The following PABPC4L variants were observed in gnomAD, a reference collection of about 807,000 sequenced individuals.
PABPC4L encodes the protein polyadenylate-binding protein 4-like.
For missense variants in PABPC4L, 452 were observed against 451.4 expected (o/e 1.00, Z -0.01); for synonymous variants, 169 against 164.1 (o/e 1.03, Z -0.23).
At chr4:134,053,854 G>A in the PABPC4L span, among the ~76,000 whole-genome samples, 50,288 of 151,666 alleles carry the variant, frequency 0.33, 9,966 homozygotes, top group East Asian at 0.92. Context: ...AAACCATGAC[G>A]AAAAGTAATT....
At chr4:134,000,084 A>C in the PABPC4L span, among the ~76,000 whole-genome samples, 1 of 152,176 alleles carries the variant, frequency 6.6e-6, no homozygotes, top group Non-Finnish European at 1.5e-5. Context: ...ACATGTGTTT[A>C]CATGGAAATA....
the PABPC4L span, among the ~76,000 whole-genome samples, chr4:134,027,765 T>C: frequency 6.6e-6 from 1 of 152,168 alleles, no homozygotes; most frequent in Non-Finnish European, 1.5e-5. Context: ...TTGTACTCCA[T>C]AAGTTTATAC....
At chr4:133,986,268 C>A in the PABPC4L span, among the ~76,000 whole-genome samples, 5 of 151,788 alleles carry the variant, frequency 3.3e-5, no homozygotes, top group African/African-American at 1.2e-4. Flanking sequence ...TATATCTTTC[C>A]TTTCAAAATT....
At chr4:134,189,611 A>G in the PABPC4L span, among the ~76,000 whole-genome samples, 1 of 152,020 alleles carries the variant, frequency 6.6e-6, no homozygotes, top group African/African-American at 2.4e-5. Context: ...TGGTAAAAAG[A>G]ACTGTGGTAC....
chr4:134,046,516 C>T, the PABPC4L span, among the ~76,000 whole-genome samples: 1 of 151,868 alleles, frequency 6.6e-6, no homozygotes, highest in South Asian at 2.1e-4. Flanking sequence ...CTTATCTCAA[C>T]TGCAAAGAGG....
At chr4:134,028,955 T>C in the PABPC4L span, among the ~76,000 whole-genome samples, 1 of 152,188 alleles carries the variant, frequency 6.6e-6, no homozygotes, top group Non-Finnish European at 1.5e-5. Flanking sequence ...AGTGTGTATT[T>C]TGACTTTTAA....
the PABPC4L span, among the ~76,000 whole-genome samples, chr4:134,053,533 A>C: frequency 6.6e-6 from 1 of 152,088 alleles, no homozygotes; most frequent in Admixed American, 6.6e-5. Flanking sequence ...CCTACCACCT[A>C]AATATTTAGG....
the PABPC4L span, among the ~76,000 whole-genome samples, chr4:134,180,594 T>C: frequency 4.6e-5 from 7 of 151,750 alleles, no homozygotes; most frequent in Middle Eastern, 3.4e-3. Context: ...ATCTAGGAGC[T>C]GATTCTTTCA....
chr4:134,095,354 A>G, the PABPC4L span, among the ~76,000 whole-genome samples: 472 of 152,152 alleles, frequency 3.1e-3, 3 homozygotes, highest in African/African-American at 0.011. Context: ...TATATGGAAA[A>G]GAATGTTAAA....
the PABPC4L span, among the ~76,000 whole-genome samples, chr4:133,984,695 G>T: frequency 1.3e-5 from 2 of 151,848 alleles, no homozygotes; most frequent in Non-Finnish European, 3.0e-5. Flanking sequence ...AATAGATCAT[G>T]TAAATGACCC....
chr4:134,175,880 G>GA, the PABPC4L span, among the ~76,000 whole-genome samples: 8 of 151,946 alleles, frequency 5.3e-5, no homozygotes, highest in South Asian at 1.5e-3. Flanking sequence ...ACAAATAGAA[G>GA]AAAAAAAATT....
At chr4:134,027,049 C>T in the PABPC4L span, among the ~76,000 whole-genome samples, 1 of 152,146 alleles carries the variant, frequency 6.6e-6, no homozygotes, top group Non-Finnish European at 1.5e-5. Context: ...CTAATATACC[C>T]TGTTACTTGT....
chr4:134,003,861 T>C, the PABPC4L span, among the ~76,000 whole-genome samples: 70 of 151,710 alleles, frequency 4.6e-4, no homozygotes, highest in Admixed American at 2.9e-3. Flanking sequence ...AGTTCAGGAG[T>C]AGGATATAAC....
At chr4:134,185,177 G>T in the PABPC4L span, among the ~76,000 whole-genome samples, 68,725 of 151,646 alleles carry the variant, frequency 0.45, 18,038 homozygotes, top group East Asian at 0.98. Context: ...CTATTACTTT[G>T]CACGAATTGT....
chr4:133,986,053 T>A, the PABPC4L span, among the ~76,000 whole-genome samples: 1 of 152,086 alleles, frequency 6.6e-6, no homozygotes, highest in Non-Finnish European at 1.5e-5. Flanking sequence ...ATAATCATTA[T>A]TAAATATTTA....
chr4:133,978,553 CTGTGTGTGTG>C, the PABPC4L span, among the ~76,000 whole-genome samples: 13 of 148,814 alleles, frequency 8.7e-5, no homozygotes, highest in Non-Finnish European at 1.8e-4. Context: ...GAGGTGGAGG[CTGTGTGTGTG>C]TGTGTGTGTG....
At chr4:134,182,872 T>A in the PABPC4L span, among the ~76,000 whole-genome samples, 2 of 151,888 alleles carry the variant, frequency 1.3e-5, no homozygotes, top group South Asian at 4.1e-4. Flanking sequence ...ACATCACTAA[T>A]CTTTAGGGAA....
At chr4:134,126,919 C>G in the PABPC4L span, among the ~76,000 whole-genome samples, 1 of 152,092 alleles carries the variant, frequency 6.6e-6, no homozygotes, top group Non-Finnish European at 1.5e-5. Flanking sequence ...AAAATAAAAT[C>G]TATGCTGTTG....
chr4:134,108,384 A>C, the PABPC4L span, among the ~76,000 whole-genome samples: 1 of 151,964 alleles, frequency 6.6e-6, no homozygotes, highest in Middle Eastern at 3.4e-3. Flanking sequence ...ACACTGGCAA[A>C]AGCCTCTTCT....
Sources: gnomAD v4.1 joint callset for allele counts (sites outside exome capture counted in the v4.1 genomes callset) on GRCh38, gnomAD v4.1.1 for gene constraint, MANE v1.5 for transcripts, NCBI Gene and HGNC (gene_info 2026-07-23, HGNC 2026-07-21) for gene names.